The following FRMD4B variants were observed in gnomAD, a reference collection of about 807,000 sequenced individuals.
The protein encoded by FRMD4B is FERM domain-containing protein 4B.
Under a neutral mutation model 141.5 loss-of-function variants are expected in FRMD4B, and 74 were observed. The ratio of observed to expected loss-of-function variants is 0.52; its 90% CI spans 0.43 to 0.63. The LOEUF is 0.63. Among genes scored for constraint, FRMD4B ranks in the 30% least tolerant of loss-of-function variants. The pLI is 0.00. For synonymous variants in FRMD4B, 506 were observed against 467.9 expected (o/e 1.08, Z -1.05); for missense variants, 1,366 against 1,253.4 (o/e 1.09, Z -1.36).
At chr3:69,365,505 G>GTTTTGTTTTGT (rs770172318) in intron 1 of FRMD4B, among the ~76,000 whole-genome samples, 5 of 137,862 alleles carry the variant, frequency 3.6e-5, no homozygotes. Context: ...TACAACCTTT[G>GTTTTGTTTTGT]TTTTTTTTCT....
chr3:69,520,174 AAT>A (rs1327683303), intron 1 of FRMD4B, among the ~76,000 whole-genome samples: 2 of 112,304 alleles, frequency 1.8e-5, no homozygotes, highest in Admixed American at 1.9e-4. Context: ...TATATGATGG[AAT>A]ATATATATGA....
At chr3:69,286,555 A>G (rs1444117750) in intron 5 of FRMD4B, among the ~76,000 whole-genome samples, 2 of 152,192 alleles carry the variant, frequency 1.3e-5, no homozygotes, top group East Asian at 3.9e-4. Flanking sequence ...ATGAACACAT[A>G]ACATGCTCAA....
chr3:69,503,368 A>G (rs1327883054), intron 1 of FRMD4B, among the ~76,000 whole-genome samples: 2 of 152,104 alleles, frequency 1.3e-5, no homozygotes, highest in Non-Finnish European at 2.9e-5. Flanking sequence ...AAGAAGGATG[A>G]GTTCATGTCC....
chr3:69,462,241 CTG>C (rs983349773), intron 1 of FRMD4B, among the ~76,000 whole-genome samples: 5 of 152,286 alleles, frequency 3.3e-5, no homozygotes, highest in African/African-American at 1.2e-4. Flanking sequence ...GTCTGAGAGA[CTG>C]TGTGAGCATG....
intron 2 of FRMD4B, among the ~76,000 whole-genome samples, chr3:69,396,992 A>T (rs980657086): frequency 1.3e-5 from 2 of 152,220 alleles, no homozygotes. Flanking sequence ...AATGTTAGCA[A>T]TAAAAAGGAG....
chr3:69,353,810 G>A (rs1483870641), intron 1 of FRMD4B: 7 of 514,822 alleles, frequency 1.4e-5, no homozygotes, highest in African/African-American at 2.1e-5. Flanking sequence ...TATGAGTCAC[G>A]GGAGAAATGG....
intron 8 of FRMD4B, among the ~76,000 whole-genome samples, chr3:69,223,500 G>A (rs1222509104): frequency 2.0e-5 from 3 of 152,002 alleles, no homozygotes; most frequent in African/African-American, 7.2e-5. Flanking sequence ...GGGTGACAGG[G>A]GGAGACTCCG....
intron 1 of FRMD4B, among the ~76,000 whole-genome samples, chr3:69,535,028 A>C (rs1395243013): frequency 1.3e-5 from 2 of 152,246 alleles, no homozygotes; most frequent in Non-Finnish European, 2.9e-5. Flanking sequence ...CACTACATGA[A>C]ACACTTCTTT....
intron 1 of FRMD4B, among the ~76,000 whole-genome samples, chr3:69,345,378 C>T (rs1455262998): frequency 6.6e-6 from 1 of 152,226 alleles, no homozygotes; most frequent in Non-Finnish European, 1.5e-5. Context: ...CTCAAGGAGG[C>T]CTGCCTGCCT....
At chr3:69,268,962 C>T (rs1342254510) in intron 5 of FRMD4B, among the ~76,000 whole-genome samples, 1 of 144,124 alleles carries the variant, frequency 6.9e-6, no homozygotes, top group African/African-American at 2.6e-5. Flanking sequence ...AAATTTCGCT[C>T]TTGTTGCCCA....
intron 1 of FRMD4B, among the ~76,000 whole-genome samples, chr3:69,318,642 C>T (rs755527747): frequency 2.6e-5 from 4 of 152,290 alleles, no homozygotes; most frequent in South Asian, 4.1e-4. Context: ...ATTTGATGCT[C>T]GCTAGCAACA....
At chr3:69,217,371 A>G (rs894015281) in intron 10 of FRMD4B, among the ~76,000 whole-genome samples, 1 of 152,160 alleles carries the variant, frequency 6.6e-6, no homozygotes, top group African/African-American at 2.4e-5. Flanking sequence ...CTGTAATCCC[A>G]GCACTTTGGG....
intron 9 of FRMD4B, among the ~76,000 whole-genome samples, 152 bp downstream of exon 9, chr3:69,221,706 G>A (rs771953296): frequency 7.9e-5 from 12 of 152,266 alleles, no homozygotes; most frequent in Admixed American, 2.0e-4. Context: ...CCAATGTATA[G>A]AATGACCGAA....
At chr3:69,231,782 C>G (rs560668528) in intron 7 of FRMD4B, among the ~76,000 whole-genome samples, 1 of 152,248 alleles carries the variant, frequency 6.6e-6, no homozygotes, top group Admixed American at 6.5e-5. Context: ...ACCTACTAAA[C>G]CAAAAATGAA....
At chr3:69,509,785 T>C (rs989131694) in intron 1 of FRMD4B, among the ~76,000 whole-genome samples, 5 of 152,044 alleles carry the variant, frequency 3.3e-5, no homozygotes, top group African/African-American at 7.2e-5. Flanking sequence ...TGGTGCCATT[T>C]TTCCAACAGC....
intron 1 of FRMD4B, among the ~76,000 whole-genome samples, chr3:69,326,049 C>T (rs531331812): frequency 2.0e-5 from 3 of 152,090 alleles, no homozygotes; most frequent in South Asian, 2.1e-4. Context: ...CCTGGGCTCA[C>T]GCAATCCTCC....
chr3:69,235,416 T>G (rs1463447114), intron 7 of FRMD4B, among the ~76,000 whole-genome samples: 1 of 151,636 alleles, frequency 6.6e-6, no homozygotes, highest in Non-Finnish European at 1.5e-5. Flanking sequence ...TCCCAGCACT[T>G]TGGGAGGCAG....
At position 69,385,953 on chromosome 3, in the gene FRMD4B, G is replaced by C; in HGVS notation, c.37C>G (p.Leu13Val). The C allele has an allele frequency of 6.2e-7, 1 of 1,605,204 alleles. No individual in the cohort carries two copies. The highest frequency in any genetic ancestry group is 8.5e-7 in the Non-Finnish European group (1 of 1,176,260). The change falls in exon 1 of 23, where the codon CTG becomes GTG. Residue 13 changes from leucine to valine, a missense_variant. By Grantham distance (32) the Leu-to-Val change is conservative. Coordinates refer to ENST00000398540, the MANE Select transcript of FRMD4B (RefSeq NM_015123.3). ...SVFMCGVEDL[L>V]FSGSRFVWNL... The stretch of plus-strand genomic sequence containing the variant: ...CATACGAAGCGGCTGCCGCTGAACA[G>C]CAGGTCCTCCACGCCACACATGAAC...
rs1256818510 is a variant in FRMD4B at position 69,200,590 on chromosome 3, G to A, written c.877-1816C>T. On this transcript the variant is annotated intron_variant, in intron 11 of 22. Coordinates refer to ENST00000398540, the MANE Select transcript of FRMD4B (RefSeq NM_015123.3). ...CACGGCTGACACACTACTGACATCA[G>A]CAACTCTCCTGAGTGACACCTCCCT... is the stretch of plus-strand genomic sequence containing the variant. 4 of 1,183,176 alleles carry A rather than the reference G, an allele frequency of 3.4e-6. No individual in the cohort carries two copies. The East Asian group carries it at 1.8e-4, about 52-fold the overall frequency. The allele number at this position is 1,183,176 out of a possible 1,614,324, so 73.3% of individuals were successfully genotyped here.
Sources: gnomAD v4.1 joint callset for allele counts (sites outside exome capture counted in the v4.1 genomes callset) on GRCh38, gnomAD v4.1.1 for gene constraint, MANE v1.5 for transcripts, NCBI Gene and HGNC (gene_info 2026-07-23, HGNC 2026-07-21) for gene names.